Variants in DLG5 observed in about 807,000 individuals in gnomAD.
DLG5 encodes the protein discs large MAGUK scaffold protein 5.
In DLG5, 48 loss-of-function variants were observed where a neutral mutation model predicts 189.8. That is an observed-to-expected ratio of 0.25 (90% CI 0.20 to 0.32). The LOEUF (loss-of-function observed/expected upper bound fraction) is 0.32, where lower values mean the gene tolerates loss of function less well. Among genes scored for constraint, DLG5 ranks in the 10% least tolerant of loss-of-function variants. The pLI is 1.00. For missense variants in DLG5, 2,160 were observed against 2,544.7 expected, an observed-to-expected ratio of 0.85 and a Z score of 3.25; for synonymous variants, 1,016 against 1,054.1, an observed-to-expected ratio of 0.96 and a Z score of 0.70.
At chr10:77,906,713 C>T (rs1263949886) in intron 1 of DLG5, among the ~76,000 whole-genome samples, 3 of 151,456 alleles carry the variant, frequency 2.0e-5, no homozygotes, top group African/African-American at 7.3e-5. Flanking sequence ...CACCATCCAC[C>T]TCCCCAGTTC....
intron 1 of DLG5, among the ~76,000 whole-genome samples, chr10:77,922,149 G>A (rs1386318236): frequency 1.3e-5 from 2 of 151,982 alleles, no homozygotes; most frequent in Admixed American, 6.6e-5. Context: ...TGTGCACCCC[G>A]GCCCCTGTCT....
At position 77,856,769 on chromosome 10, in the gene DLG5, C is replaced by T. The variant is rs777662625; in HGVS notation, c.497G>A (p.Arg166His). The stretch of plus-strand genomic sequence containing the variant: ...CGTGCCATGCGTAGCAAAGGCCAGG[C>T]GCTTGCGGAGCTCGTTTCTCTCCCG... ...MTRERNELRKRLAFATHGTAF... is the reference protein window; with the variant it reads ...MTRERNELRKHLAFATHGTAF... The change falls in exon 3 of 32, where the codon CGC becomes CAC. Residue 166 changes from arginine to histidine, a missense_variant. By Grantham distance (29) the Arg-to-His change is conservative (BLOSUM62 0). This residue lies in a region of DLG5 where 664 missense variants were observed against 838.5 expected (regional missense o/e 0.79). Transcript: ENST00000372391. 2.5e-5 allele frequency: 40 copies of T among 1,613,428 alleles called. No homozygotes were observed. The highest frequency in any genetic ancestry group is 3.3e-5 in the Non-Finnish European group (39 of 1,180,022).
At chr10:77,802,295 TA>T (rs1841247328) in intron 27 of DLG5, among the ~76,000 whole-genome samples, 1 of 152,168 alleles carries the variant, frequency 6.6e-6, no homozygotes. Flanking sequence ...ATGATATCTT[TA>T]AAGCACCCAA....
rs112154883 is a variant in DLG5 at position 77,854,322 on chromosome 10, G to A, written c.585C>T (p.Cys195=). 18 of 1,614,032 alleles carry A rather than the reference G, an allele frequency of 1.1e-5. No individual in the cohort carries two copies. Among genetic ancestry groups the A allele is most frequent in the African/African-American group, 5.3e-5 (4 of 74,942 alleles). The change falls in exon 4 of 32, where the codon TGC becomes TGT. Residue 195 remains cysteine, a synonymous_variant. Transcript: ENST00000372391. ...NPDYERLKIQ[C]VRAMSDLQSL... is the part of the protein sequence containing the mutation. Reference sequence around the variant, plus strand: ...TCTGCAGGTCCGACATGGCTCGCACGCACTGGATCTTCAGCCTCTCATAGT... The same window carrying A: ...TCTGCAGGTCCGACATGGCTCGCACACACTGGATCTTCAGCCTCTCATAGT...
intron 1 of DLG5, among the ~76,000 whole-genome samples, chr10:77,913,360 A>C (rs1431937991): frequency 6.6e-6 from 1 of 152,196 alleles, no homozygotes; most frequent in Non-Finnish European, 1.5e-5. Context: ...CCTTGCTAAA[A>C]TCCTGATTTT....
At chr10:77,895,790 A>G (rs2154577730) in intron 1 of DLG5, among the ~76,000 whole-genome samples, 1 of 152,240 alleles carries the variant, frequency 6.6e-6, no homozygotes, top group East Asian at 1.9e-4. Flanking sequence ...CAGGCGGATC[A>G]CTTGAGGTCA....
intron 1 of DLG5, among the ~76,000 whole-genome samples, chr10:77,915,992 G>T (rs551789918): frequency 6.6e-6 from 1 of 152,226 alleles, no homozygotes; most frequent in African/African-American, 2.4e-5. Flanking sequence ...ATTCAATAAT[G>T]GATTGTTTGA....
intron 26 of DLG5, 40 bp downstream of exon 26, chr10:77,806,718 A>ACCGC: frequency 3.7e-6 from 5 of 1,333,652 alleles, no homozygotes; most frequent in Middle Eastern, 2.2e-4. Flanking sequence ...GCCCTCGGCG[A>ACCGC]CCCCTGCCCC....
In DLG5 at chr10:77,806,954, G is replaced by A. The variant is rs76385269; in HGVS notation, c.4797-26C>T. 4,192 of 1,594,720 alleles carry A rather than the reference G, an allele frequency of 2.6e-3. 89 individuals are homozygous for A. The African/African-American group carries it at 0.05, about 19-fold the overall frequency. ...CTGGACCACAGCACAGAAGGAACAC[G>A]ATCAGGCGGCTCTGGCCACCAAGGA... On this transcript the variant is annotated intron_variant, in intron 25 of 31. Coordinates refer to ENST00000372391, the MANE Select transcript of DLG5 (RefSeq NM_004747.4).
intron 26 of DLG5, among the ~76,000 whole-genome samples, chr10:77,806,409 C>T (rs867211899): frequency 6.6e-5 from 10 of 152,132 alleles, no homozygotes; most frequent in Admixed American, 3.9e-4. Context: ...GATGGAAATG[C>T]TCTAAAATTA....
At chr10:77,934,371 CAAAA>C in the DLG5 span, among the ~76,000 whole-genome samples, 5 of 96,308 alleles carry the variant, frequency 5.2e-5, no homozygotes, top group African/African-American at 1.7e-4. Flanking sequence ...AACTCCATCT[CAAAA>C]AAAAAAAAAA....
chr10:77,793,922 T>A (rs1840770706), intron 31 of DLG5, 86 bp downstream of exon 31: 2 of 1,277,668 alleles, frequency 1.6e-6, no homozygotes, highest in East Asian at 4.6e-5. Context: ...AAGTGCGGGC[T>A]TCTCCACGGC....
intron 1 of DLG5, among the ~76,000 whole-genome samples, chr10:77,891,958 G>C (rs890688482): frequency 5.3e-5 from 8 of 152,170 alleles, no homozygotes; most frequent in African/African-American, 1.9e-4. Context: ...TCTCAGACTC[G>C]ACCCTGCCTC....
chr10:77,802,639 T>C (rs2579144), intron 27 of DLG5, among the ~76,000 whole-genome samples: 146,379 of 152,356 alleles, frequency 0.96, 70,394 homozygotes, highest in East Asian at 1. Context: ...TAATCCCGGG[T>C]GCAGTGCCTT....
intron 5 of DLG5, among the ~76,000 whole-genome samples, chr10:77,844,994 A>C (rs1180855304): frequency 6.6e-6 from 1 of 152,010 alleles, no homozygotes; most frequent in Admixed American, 6.6e-5. Flanking sequence ...GACCTGGAGA[A>C]GTGGGTGTGG....
At chr10:77,927,865 G>A (rs914925124), upstream of DLG5, 19 of 152,238 alleles carry the variant, frequency 1.2e-4, no homozygotes, top group African/African-American at 4.6e-4. Flanking sequence ...ACTGCGCTCA[G>A]TGATCCCGCA....
Position 77,811,190 on chromosome 10 carries a change from C to G in DLG5, c.4367G>C (p.Ser1456Thr). 6.2e-7 allele frequency: 1 copy of G among 1,613,458 alleles called. No homozygotes were observed. Among genetic ancestry groups the G allele is most frequent in the Non-Finnish European group, 8.5e-7 (1 of 1,179,970 alleles). ...PAGTHSTLQGSGTTTPEHPSV... is the reference protein window; with the variant it reads ...PAGTHSTLQGTGTTTPEHPSV... Reference sequence around the variant, plus strand: ...TGGATGCTCCGGGGTGGTGGTGCCACTGCCCTGGAGAGTGGAGTGGGTACC... The same window carrying G: ...TGGATGCTCCGGGGTGGTGGTGCCAGTGCCCTGGAGAGTGGAGTGGGTACC... Residue 1456 changes from serine (S) to threonine (T), a missense_variant, in exon 23 of 32, where the codon AGT becomes ACT. Transcript: ENST00000372391.
At chr10:77,828,473 C>T (rs1267487690) in intron 13 of DLG5, among the ~76,000 whole-genome samples, 3 of 97,922 alleles carry the variant, frequency 3.1e-5, no homozygotes, top group Non-Finnish European at 5.5e-5. Context: ...GGTGACAGAG[C>T]AAGACTCCAT....
chr10:77,830,016 A>G (rs1842826019), intron 11 of DLG5, among the ~76,000 whole-genome samples: 1 of 152,200 alleles, frequency 6.6e-6, no homozygotes, highest in Non-Finnish European at 1.5e-5. Flanking sequence ...GTAACTAAAG[A>G]ATAATCAGAT....
Sources: gnomAD v4.1 joint callset for allele counts (sites outside exome capture counted in the v4.1 genomes callset) on GRCh38, gnomAD v4.1.1 for gene constraint, gnomAD v4.1.1 regional missense constraint, MANE v1.5 for transcripts, NCBI Gene and HGNC (gene_info 2026-07-23, HGNC 2026-07-21) for gene names.